FAT3: variants seen among roughly 807,000 people sequenced by gnomAD.
FAT3 encodes the protein FAT atypical cadherin 3, also known as protocadherin Fat 3.
Under a neutral mutation model 310.2 loss-of-function variants are expected in FAT3, and 95 were observed. The ratio of observed to expected loss-of-function variants is 0.31; its 90% confidence interval spans 0.26 to 0.36. FAT3 has a LOEUF of 0.36. Ranked by LOEUF, FAT3 falls within the 10% of genes least tolerant of loss-of-function variation. The pLI is 1.00. For synonymous variants in FAT3, 2,314 were observed against 2,192.9 expected, an observed-to-expected ratio of 1.06 and a Z score of -1.54; for missense variants, 5,408 against 5,715.6, an observed-to-expected ratio of 0.95 and a Z score of 1.74.
chr11:92,572,436 A>G (rs770902431), intron 3 of FAT3, among the ~76,000 whole-genome samples: 8 of 152,172 alleles, frequency 5.3e-5, no homozygotes, highest in Non-Finnish European at 1.0e-4. Context: ...TTTCTCACCC[A>G]CACACTAAAT....
chr11:92,795,550 G>A (rs1947147775), intron 9 of FAT3, among the ~76,000 whole-genome samples: 2 of 151,990 alleles, frequency 1.3e-5, no homozygotes, highest in South Asian at 4.2e-4. Flanking sequence ...TGGACCTGAT[G>A]TATCAGCACA....
rs757062118 is a variant in FAT3 at position 92,388,515 on chromosome 11, C to T, written c.3292+33111C>T. ...TTAATTCTTAATTGTTCTAAAGTGA[C>T]GTATTTCAGACATAGCAGGATAAAG... is the stretch of plus-strand genomic sequence containing the variant. On this transcript the variant is annotated intron_variant, in intron 2 of 27. Coordinates refer to ENST00000525166, the MANE Select transcript of FAT3 (RefSeq NM_001367949.2). 9.2e-5 allele frequency among the ~76,000 whole-genome samples: 14 copies of T among 152,054 alleles called. No individual in the cohort carries two copies. In the South Asian group the frequency reaches 1.7e-3, roughly 18 times the overall value.
Position 92,354,093 on chromosome 11 carries a change from C to T in FAT3, c.1981C>T (p.Leu661Phe), listed in dbSNP as rs750147188. ...LRITATDGEN[L>F]ADPMSINISV... is the part of the protein sequence containing the mutation. ...AATTACAGCAACTGATGGAGAGAATCTTGCAGACCCCATGTCTATTAACAT... is the reference window on the plus strand; with the variant it reads ...AATTACAGCAACTGATGGAGAGAATTTTGCAGACCCCATGTCTATTAACAT... Residue 661 changes from leucine to phenylalanine, a missense_variant, in exon 2 of 28, where the codon CTT becomes TTT. Coordinates refer to ENST00000525166, the MANE Select transcript of FAT3 (RefSeq NM_001367949.2). 6.2e-7 allele frequency: 1 copy of T among 1,613,596 alleles called. No homozygotes were observed. Among genetic ancestry groups the T allele is most frequent in the Non-Finnish European group, 8.5e-7 (1 of 1,179,796 alleles).
At chr11:92,386,494 C>A (rs1234291260) in intron 2 of FAT3, among the ~76,000 whole-genome samples, 2 of 152,170 alleles carry the variant, frequency 1.3e-5, no homozygotes, top group Non-Finnish European at 2.9e-5. Context: ...TAGTTCATTG[C>A]CTACTGCAAT....
chr11:92,738,784 G>A (rs1945423461), intron 4 of FAT3, among the ~76,000 whole-genome samples: 1 of 152,120 alleles, frequency 6.6e-6, no homozygotes, highest in Admixed American at 6.5e-5. Context: ...TCACCTATAA[G>A]CTGAGTGACT....
intron 2 of FAT3, among the ~76,000 whole-genome samples, chr11:92,442,097 A>T (rs1266615214): frequency 4.4e-5 from 2 of 45,786 alleles, no homozygotes; most frequent in Non-Finnish European, 8.3e-5. Context: ...ATATATATAT[A>T]TATATATATA....
chr11:92,652,775 A>G (rs1942433148), intron 3 of FAT3, among the ~76,000 whole-genome samples: 1 of 152,228 alleles, frequency 6.6e-6, no homozygotes, highest in Non-Finnish European at 1.5e-5. Context: ...AGCTGGGAAG[A>G]TGCTTCCTGA....
intron 20 of FAT3, among the ~76,000 whole-genome samples, 163 bp downstream of exon 20, chr11:92,857,511 A>G (rs1284237933): frequency 6.6e-6 from 1 of 152,232 alleles, no homozygotes; most frequent in African/African-American, 2.4e-5. Context: ...ACATTTACTT[A>G]GGATTTATCA....
At chr11:92,244,489 C>T (rs1373795866) in intron 1 of FAT3, among the ~76,000 whole-genome samples, 1 of 152,028 alleles carries the variant, frequency 6.6e-6, no homozygotes, top group East Asian at 1.9e-4. Context: ...AAAGAGCTTG[C>T]AGGTAGAAAT....
chr11:92,705,838 G>T (rs1374944599), intron 4 of FAT3, among the ~76,000 whole-genome samples: 3 of 71,220 alleles, frequency 4.2e-5, no homozygotes, highest in Non-Finnish European at 9.4e-5. Context: ...GGTGATGGTG[G>T]TGGTGTGATG....
intron 2 of FAT3, among the ~76,000 whole-genome samples, chr11:92,450,081 C>A (rs1951316791): frequency 6.6e-6 from 1 of 152,120 alleles, no homozygotes; most frequent in Non-Finnish European, 1.5e-5. Context: ...AGCCAGAGGC[C>A]AATGCTGCCC....
intron 5 of FAT3, among the ~76,000 whole-genome samples, chr11:92,762,539 A>C (rs1946180625): frequency 6.6e-6 from 1 of 152,164 alleles, no homozygotes; most frequent in South Asian, 2.1e-4. Flanking sequence ...CACTGAACAT[A>C]TCTCTCAACA....
At position 92,859,210 on chromosome 11, in the gene FAT3, G is replaced by A. The variant is rs375687974; in HGVS notation, c.11546G>A (p.Arg3849Gln). Residue 3849 changes from arginine to glutamine, a missense_variant, in exon 21 of 28, where the codon CGG becomes CAG. By Grantham distance (43) the Arg-to-Gln change is conservative. Around this residue, in one of 5 missense-constraint regions of FAT3, gnomAD observed 4,588 missense variants for 4,809.8 expected, o/e 0.95. Coordinates refer to ENST00000525166, the MANE Select transcript of FAT3 (RefSeq NM_001367949.2). ...GCTGGAAACAGTTACATCAAATATC[G>A]GCTTTCTGAAAATAGCAAAGAAGAG... ...SFAGNSYIKY[R>Q]LSENSKEEDF... is the part of the protein sequence containing the mutation. 8.0e-5 allele frequency: 129 copies of A among 1,613,544 alleles called. No homozygotes were observed. Among genetic ancestry groups the A allele is most frequent in the African/African-American group, 5.3e-5 (4 of 74,854 alleles).
chr11:92,442,110 TA>T (rs1249424185), intron 2 of FAT3, among the ~76,000 whole-genome samples: 109 of 15,626 alleles, frequency 7.0e-3, no homozygotes, highest in South Asian at 0.014. Context: ...TATATATATA[TA>T]TTTTTTTTTT....
intron 13 of FAT3, among the ~76,000 whole-genome samples, chr11:92,813,872 A>G (rs939191577): frequency 6.6e-6 from 1 of 152,186 alleles, no homozygotes; most frequent in Admixed American, 6.5e-5. Context: ...CAGTGCTATG[A>G]TCTGAAATTT....
At chr11:92,431,440 A>T (rs1950774326) in intron 2 of FAT3, among the ~76,000 whole-genome samples, 5 of 152,126 alleles carry the variant, frequency 3.3e-5, no homozygotes, top group African/African-American at 9.6e-5. Context: ...GATTGCAAAA[A>T]TTTTCTCCTA....
At chr11:92,631,931 C>T (rs1455015655) in intron 3 of FAT3, among the ~76,000 whole-genome samples, 1 of 152,130 alleles carries the variant, frequency 6.6e-6, no homozygotes, top group Non-Finnish European at 1.5e-5. Context: ...CTCTGTAAAG[C>T]TGCCAGCTTT....
At chr11:92,540,775 G>GTTTTGT (rs111795906) in intron 3 of FAT3, among the ~76,000 whole-genome samples, 12 of 140,538 alleles carry the variant, frequency 8.5e-5, no homozygotes, top group African/African-American at 3.1e-4. Context: ...GTTTTGTTTT[G>GTTTTGT]TTTTTTTTGA....
chr11:92,554,324 T>A (rs1201468213), intron 3 of FAT3, among the ~76,000 whole-genome samples: 2 of 151,288 alleles, frequency 1.3e-5, no homozygotes, highest in African/African-American at 4.9e-5. Context: ...TAGCCAGGCG[T>A]GGTGGCAGGT....
Sources: gnomAD v4.1 joint callset for allele counts (sites outside exome capture counted in the v4.1 genomes callset) on GRCh38, gnomAD v4.1.1 for gene constraint, gnomAD v4.1.1 regional missense constraint, MANE v1.5 for transcripts, NCBI Gene and HGNC (gene_info 2026-07-23, HGNC 2026-07-21) for gene names.